ZNF705G: variants seen among roughly 807,000 people sequenced by gnomAD.
ZNF705G encodes the protein zinc finger protein 705G.
In ZNF705G, 23 loss-of-function variants were observed where a neutral mutation model predicts 19.6. The observed-to-expected ratio is 1.17, with a 90% CI of 0.84 to 1.66. The LOEUF (loss-of-function observed/expected upper bound fraction) is 1.66, where lower values mean the gene tolerates loss of function less well. Among genes scored for constraint, ZNF705G ranks in the 40% most tolerant of loss-of-function variants. The pLI is 0.00. For synonymous variants in ZNF705G, 146 were observed against 117.7 expected, an observed-to-expected ratio of 1.24 and a Z score of -1.56; for missense variants, 457 against 354.4, an observed-to-expected ratio of 1.29 and a Z score of -2.32.
At chr8:7,363,936 A>G (rs1428273673) in intron 2 of ZNF705G, among the ~76,000 whole-genome samples, 1 of 149,606 alleles carries the variant, frequency 6.7e-6, no homozygotes, top group Non-Finnish European at 1.5e-5. Context: ...ATCAGAAATT[A>G]GCAGGAGTAC....
At chr8:7,384,008 T>C (rs979384061) in intron 1 of ZNF705G, among the ~76,000 whole-genome samples, 1 of 139,008 alleles carries the variant, frequency 7.2e-6, no homozygotes, top group African/African-American at 3.2e-5. Context: ...ACATTAATAA[T>C]CAGTATGTGT....
Position 7,369,915 on chromosome 8 carries a change from C to A in ZNF705G, c.-71-6898G>T, listed in dbSNP as rs1366255868. Among the ~76,000 whole-genome samples, 10 of 149,194 alleles carry A rather than the reference C, an allele frequency of 6.7e-5. 2 individuals are homozygous for A. Among genetic ancestry groups the A allele is most frequent in the African/African-American group, 2.3e-4 (9 of 38,654 alleles). The stretch of plus-strand genomic sequence containing the variant: ...GGGAAGGGAAGGTGGGGACAAAGGC[C>A]TGAAAAACTATCTATTGGGTATTAT... On this transcript the variant is annotated intron_variant, in intron 2 of 6. Transcript: ENST00000400156.
At chr8:7,363,594 G>A (rs1381350992) in intron 2 of ZNF705G, among the ~76,000 whole-genome samples, 36 of 149,776 alleles carry the variant, frequency 2.4e-4, no homozygotes, top group Non-Finnish European at 4.1e-4. Flanking sequence ...GCCAAGGCAC[G>A]TGGATCACCT....
At chr8:7,383,289 A>C (rs1444042317) in intron 1 of ZNF705G, among the ~76,000 whole-genome samples, 2 of 147,724 alleles carry the variant, frequency 1.4e-5, no homozygotes, top group Admixed American at 6.6e-5. Context: ...GGAATTAAAC[A>C]GCAGAAAGTA....
At chr8:7,358,797 A>C (rs1197148363) in intron 6 of ZNF705G, among the ~76,000 whole-genome samples, 1 of 149,422 alleles carries the variant, frequency 6.7e-6, no homozygotes, top group African/African-American at 2.6e-5. Flanking sequence ...GTTCCTAAAT[A>C]ATATGGCTAC....
chr8:7,358,752 G>C (rs1806417439), intron 6 of ZNF705G, among the ~76,000 whole-genome samples, 192 bp from the exon 7 acceptor site: 1 of 149,330 alleles, frequency 6.7e-6, no homozygotes, highest in Non-Finnish European at 1.5e-5. Context: ...AATCAAGCTG[G>C]GAACTGGGTC....
rs1319350214 is a variant in ZNF705G at position 7,356,939 on chromosome 8, G to A, written c.*1037C>T. ...ATGCATTTACATGCCACATTTTTATGAATAGATATTTTCTCAAATTTCTGA... is the reference window on the plus strand; with the variant it reads ...ATGCATTTACATGCCACATTTTTATAAATAGATATTTTCTCAAATTTCTGA... On this transcript the variant is annotated 3_prime_UTR_variant, in exon 7 of 7. Transcript: ENST00000400156. 1.3e-5 allele frequency: 2 copies of A among 149,750 alleles called. No individual in the cohort carries two copies. The highest frequency in any genetic ancestry group is 2.9e-5 in the Non-Finnish European group (2 of 68,018). The allele number at this position is 149,750 out of a possible 1,614,324, so 9.3% of individuals were successfully genotyped here.
chr8:7,383,911 C>T lies in ZNF705G; in HGVS notation c.-222+1587G>A, dbSNP rs1388638057. ...TAATAGCATCCCAAATGGACTAAGG[C>T]AGGAAGGAAGGAAGAAAAGAAGGAA... On this transcript the variant is annotated intron_variant, in intron 1 of 6. Coordinates refer to ENST00000400156, the MANE Select transcript of ZNF705G (RefSeq NM_001164457.3). Among the ~76,000 whole-genome samples the T allele has an allele frequency of 2.1e-5, 3 of 141,356 alleles. No individual in the cohort carries two copies. The South Asian group carries it at 6.8e-4, about 32-fold the overall frequency. 92.7% of individuals were successfully genotyped at this position (141,356 alleles called of 152,430 possible).
intron 2 of ZNF705G, among the ~76,000 whole-genome samples, chr8:7,374,206 C>G (rs1217553748): frequency 9.8e-6 from 1 of 101,538 alleles, no homozygotes; most frequent in Non-Finnish European, 2.0e-5. Flanking sequence ...CGGTAGCACA[C>G]AACATCGGGG....
chr8:7,357,678 T>G lies in ZNF705G; in HGVS notation c.*298A>C. ...TTTCTCTTCCATATGAATTTATTGA[T>G]GTGGACTGAAGAATAAAGGTAACTG... On this transcript the variant is annotated 3_prime_UTR_variant, in exon 7 of 7. Coordinates refer to ENST00000400156, the MANE Select transcript of ZNF705G (RefSeq NM_001164457.3). 1 of 522,556 alleles carries G rather than the reference T, an allele frequency of 1.9e-6. No homozygotes were observed. Among genetic ancestry groups the G allele is most frequent in the South Asian group, 2.4e-5 (1 of 41,642 alleles). 32.4% of individuals were successfully genotyped at this position (522,556 alleles called of 1,614,324 possible).
chr8:7,366,423 A>G (rs1378432367), intron 2 of ZNF705G, among the ~76,000 whole-genome samples: 1 of 149,664 alleles, frequency 6.7e-6, no homozygotes, highest in Non-Finnish European at 1.5e-5. Flanking sequence ...GAAAAATCTC[A>G]CATTTTAAAA....
At position 7,379,362 on chromosome 8, in the gene ZNF705G, T is replaced by C. The variant is rs1171493805; in HGVS notation, c.-72+2090A>G. Among the ~76,000 whole-genome samples, 8 of 147,310 alleles carry C rather than the reference T, an allele frequency of 5.4e-5. 1 individual carries two copies. The highest frequency in any genetic ancestry group is 2.2e-4 in the African/African-American group (8 of 36,772). ...AATATATTTTTGCACTATATAACAT[T>C]TATTTCTTAGAAAAGAAGCAGTTTG... is the stretch of plus-strand genomic sequence containing the variant. On this transcript the variant is annotated intron_variant, in intron 2 of 6. Transcript: ENST00000400156.
intron 4 of ZNF705G, among the ~76,000 whole-genome samples, chr8:7,360,832 T>A (rs1302570963): frequency 6.7e-6 from 1 of 149,502 alleles, no homozygotes; most frequent in Admixed American, 6.6e-5. Context: ...ATTCATTAAG[T>A]TCCCAGGTCT....
chr8:7,370,249 T>C (rs1195403770), intron 2 of ZNF705G, among the ~76,000 whole-genome samples: 1 of 141,554 alleles, frequency 7.1e-6, no homozygotes, highest in Non-Finnish European at 1.5e-5. Context: ...CCAGCCTGTG[T>C]GACACACCGA....
intron 3 of ZNF705G, among the ~76,000 whole-genome samples, chr8:7,362,354 A>C (rs549991466): frequency 6.7e-5 from 10 of 149,794 alleles, no homozygotes; most frequent in Non-Finnish European, 1.3e-4. Flanking sequence ...AAGTTTTTAA[A>C]AGCTCAAATA....
chr8:7,378,532 C>CTATAG, intron 2 of ZNF705G, among the ~76,000 whole-genome samples: 1 of 104,250 alleles, frequency 9.6e-6, no homozygotes, highest in East Asian at 2.4e-4. Context: ...TCTGACAGTT[C>CTATAG]TATAGGCTGC....
At chr8:7,380,284 C>A (rs1380312964) in intron 2 of ZNF705G, among the ~76,000 whole-genome samples, 2 of 146,136 alleles carry the variant, frequency 1.4e-5, no homozygotes, top group East Asian at 1.9e-4. Context: ...CCCATCCCAC[C>A]CATTGCTGTC....
In ZNF705G at chr8:7,359,706, A is replaced by G; in HGVS notation, c.236-5T>C. On this transcript the variant is annotated splice_region_variant and splice_polypyrimidine_tract_variant and intron_variant, in intron 5 of 6. Transcript: ENST00000400156. ...TCTTAAGGGCACTTTCCCTGTCTGA[A>G]ATAATTGAAAAATAAATTGTTACAT... is the stretch of plus-strand genomic sequence containing the variant. 1 of 1,606,562 alleles carries G rather than the reference A, an allele frequency of 6.2e-7. No homozygotes were observed. Among genetic ancestry groups the G allele is most frequent in the Non-Finnish European group, 8.5e-7 (1 of 1,179,128 alleles).
chr8:7,365,104 A>C (rs558883116), intron 2 of ZNF705G, among the ~76,000 whole-genome samples: 1 of 149,742 alleles, frequency 6.7e-6, no homozygotes, highest in East Asian at 1.9e-4. Context: ...AGAAAGTTAA[A>C]GCATACTTAT....
Sources: gnomAD v4.1 joint callset for allele counts (sites outside exome capture counted in the v4.1 genomes callset) on GRCh38, gnomAD v4.1.1 for gene constraint, MANE v1.5 for transcripts, NCBI Gene and HGNC (gene_info 2026-07-23, HGNC 2026-07-21) for gene names.